The following VPS13D variants were observed in gnomAD, a reference collection of about 807,000 sequenced individuals.
The protein encoded by VPS13D is intermembrane lipid transfer protein VPS13D.
Under a neutral mutation model 461.9 loss-of-function variants are expected in VPS13D, and 187 were observed. The ratio of observed to expected loss-of-function variants is 0.40; its 90% CI spans 0.36 to 0.46. The LOEUF (loss-of-function observed/expected upper bound fraction) is 0.46, where lower values mean the gene tolerates loss of function less well. Ranked by LOEUF, VPS13D falls within the 20% of genes least tolerant of loss-of-function variation. VPS13D has a pLI of 0.60. For missense variants in VPS13D, 4,711 were observed against 5,364.9 expected (o/e 0.88, Z 3.81); for synonymous variants, 1,951 against 1,986.3 (o/e 0.98, Z 0.47).
chr1:12,378,011 A>G (rs1644224224), intron 55 of VPS13D, among the ~76,000 whole-genome samples: 1 of 152,138 alleles, frequency 6.6e-6, no homozygotes, highest in Admixed American at 6.5e-5. Context: ...GATATTGAGC[A>G]TATCGTATAG....
intron 65 of VPS13D, among the ~76,000 whole-genome samples, chr1:12,453,410 G>A (rs1645287927): frequency 6.6e-6 from 1 of 152,076 alleles, no homozygotes. Context: ...AGAGAAACAG[G>A]AAAGACCTGA....
chr1:12,322,711 G>T lies in VPS13D; in HGVS notation c.7880G>T (p.Arg2627Ile). 2 of 1,614,186 alleles carry T rather than the reference G, an allele frequency of 1.2e-6. No individual in the cohort carries two copies. Among genetic ancestry groups the T allele is most frequent in the South Asian group, 2.2e-5 (2 of 91,072 alleles). ...GCATCTCGCGTTGGAGAGGAAATCA[G>T]AGAAGGGACAAGACACACCTTAGAT... ...PGASRVGEEI[R>I]EGTRHTLDPV... Residue 2627 changes from arginine to isoleucine, a missense_variant, in exon 34 of 70, where the codon AGA becomes ATA. Physicochemically the swap from Arg to Ile is moderately conservative, Grantham distance 97. This residue lies in a region of VPS13D where 4,411 missense variants were observed against 4,937.8 expected (regional missense o/e 0.89). Coordinates refer to ENST00000620676, the MANE Select transcript of VPS13D (RefSeq NM_015378.4).
intron 46 of VPS13D, among the ~76,000 whole-genome samples, chr1:12,351,299 G>GT (rs953418247): frequency 5.9e-5 from 9 of 151,672 alleles, no homozygotes; most frequent in Non-Finnish European, 8.8e-5. Context: ...ATTTTTTCTT[G>GT]TTTTTTTTGA....
intron 2 of VPS13D, among the ~76,000 whole-genome samples, chr1:12,237,576 C>A (rs144477935): frequency 2.8e-4 from 40 of 142,138 alleles, no homozygotes; most frequent in African/African-American, 9.2e-4. Flanking sequence ...CCTAGCACTT[C>A]GGGAGGCCAA....
At chr1:12,439,683 C>T (rs1228449287) in intron 65 of VPS13D, among the ~76,000 whole-genome samples, 1 of 152,148 alleles carries the variant, frequency 6.6e-6, no homozygotes, top group Non-Finnish European at 1.5e-5. Context: ...TGCTACATCC[C>T]CAGCCCTTAG....
rs1645855098 is a variant in VPS13D at position 12,490,036 on chromosome 1, A to G, written c.12663-7464A>G. On this transcript the variant is annotated intron_variant, in intron 67 of 69. Coordinates refer to ENST00000620676, the MANE Select transcript of VPS13D (RefSeq NM_015378.4). ...TGTGTTCTTGTTGCCATTTCTGTTC[A>G]TCTCCTCCACTGAATTGCTGTAAGC... Among the ~76,000 whole-genome samples the G allele has an allele frequency of 2.0e-5, 3 of 152,102 alleles. No homozygotes were observed. The South Asian group carries it at 6.2e-4, about 31-fold the overall frequency.
chr1:12,351,318 T>A (rs1643788160), intron 46 of VPS13D, among the ~76,000 whole-genome samples: 1 of 152,150 alleles, frequency 6.6e-6, no homozygotes, highest in Non-Finnish European at 1.5e-5. Context: ...GAGGTGGAGT[T>A]TTGCTCTTGT....
intron 67 of VPS13D, 51 bp from the exon 68 acceptor site, chr1:12,497,449 T>C (rs367598027): frequency 1.9e-6 from 3 of 1,562,760 alleles, no homozygotes; most frequent in Non-Finnish European, 2.6e-6. Flanking sequence ...AGGAAAATCA[T>C]TTTAACCTGC....
At chr1:12,432,629 A>G (rs1056162390) in intron 65 of VPS13D, among the ~76,000 whole-genome samples, 1 of 147,146 alleles carries the variant, frequency 6.8e-6, no homozygotes, top group Non-Finnish European at 1.5e-5. Flanking sequence ...TTTTTTTAAG[A>G]CAGTCTCACT....
intron 36 of VPS13D, among the ~76,000 whole-genome samples, 200 bp from the exon 37 acceptor site, chr1:12,329,629 A>G (rs1643279684): frequency 6.6e-6 from 1 of 152,214 alleles, no homozygotes; most frequent in Non-Finnish European, 1.5e-5. Context: ...GTGCCAGAAA[A>G]CTCAGTCATG....
In VPS13D at chr1:12,383,114, T is replaced by C. The variant is rs1170267676; in HGVS notation, c.11329T>C (p.Ser3777Pro). 2 of 1,614,036 alleles carry C rather than the reference T, an allele frequency of 1.2e-6. No homozygotes were observed. The highest frequency in any genetic ancestry group is 1.3e-5 in the African/African-American group (1 of 74,934). ...QKMRPGSGML[S>P]IRVIPDGPTR... ...AATGAGACCTGGTTCTGGAATGTTA[T>C]CCATCAGAGTCATCCCAGATGGACC... The change falls in exon 58 of 70, where the codon TCC (serine) becomes CCC (proline). Residue 3777 changes from serine to proline, a missense_variant. Ser to Pro is a moderately conservative substitution (Grantham distance 74). Around this residue, in one of 3 missense-constraint regions of VPS13D, gnomAD observed 4,411 missense variants for 4,937.8 expected, o/e 0.89. Coordinates refer to ENST00000620676, the MANE Select transcript of VPS13D (RefSeq NM_015378.4).
intron 25 of VPS13D, among the ~76,000 whole-genome samples, chr1:12,302,229 C>T: frequency 6.6e-6 from 1 of 152,172 alleles, no homozygotes; most frequent in East Asian, 1.9e-4. Flanking sequence ...ACTGAAATGG[C>T]ATTATGCGGT....
At chr1:12,422,001 G>A (rs1644870710) in intron 65 of VPS13D, among the ~76,000 whole-genome samples, 1 of 152,094 alleles carries the variant, frequency 6.6e-6, no homozygotes, top group African/African-American at 2.4e-5. Context: ...CGACTAATTT[G>A]TATTTTTAGT....
At chr1:12,342,763 C>A in intron 41 of VPS13D, 136 bp from the exon 42 acceptor site, 2 of 1,004,144 alleles carry the variant, frequency 2.0e-6, no homozygotes, top group Non-Finnish European at 2.8e-6. Flanking sequence ...CAAGGTCATT[C>A]TTTGTAGCTA....
At position 12,505,777 on chromosome 1, in the gene VPS13D, G is replaced by A. The variant is rs750960796; in HGVS notation, c.12795-1076G>A. ...AGAAGTTAGAACCTGTGATCCTTGCGGGGAGGGGGATGGGATCTAGAGAAG... is the reference window on the plus strand; with the variant it reads ...AGAAGTTAGAACCTGTGATCCTTGCAGGGAGGGGGATGGGATCTAGAGAAG... On this transcript the variant is annotated intron_variant, in intron 68 of 69. Transcript: ENST00000620676. This position sits in a 1 kb window ranked among gnomAD's most constrained non-coding sequence, Gnocchi z 4.2. 2.0e-5 allele frequency among the ~76,000 whole-genome samples: 3 copies of A among 152,220 alleles called. No homozygotes were observed. The highest frequency in any genetic ancestry group is 4.8e-5 in the African/African-American group (2 of 41,460).
chr1:12,268,631 A>G (rs1269928786), intron 15 of VPS13D, 75 bp from the exon 16 acceptor site: 1 of 1,461,548 alleles, frequency 6.8e-7, no homozygotes, highest in Non-Finnish European at 9.2e-7. Flanking sequence ...GTTTTTCCAG[A>G]ATCCCTCACA....
At chr1:12,391,852 T>G (rs755794913) in intron 60 of VPS13D, among the ~76,000 whole-genome samples, 2 of 152,048 alleles carry the variant, frequency 1.3e-5, no homozygotes, top group Non-Finnish European at 2.9e-5. Flanking sequence ...AAAAGATGTT[T>G]TGTGTTTTTT....
At chr1:12,433,728 A>G (rs1206370091) in intron 65 of VPS13D, among the ~76,000 whole-genome samples, 1 of 152,126 alleles carries the variant, frequency 6.6e-6, no homozygotes, top group Non-Finnish European at 1.5e-5. Context: ...GGAGGAAGAT[A>G]CCAAACTCAT....
At chr1:12,287,887 G>GT (rs1027967720) in intron 21 of VPS13D, among the ~76,000 whole-genome samples, 1 of 152,156 alleles carries the variant, frequency 6.6e-6, no homozygotes, top group Non-Finnish European at 1.5e-5. Flanking sequence ...TAATGGATCT[G>GT]TTTGAGTTAC....
Sources: allele counts gnomAD v4.1 joint callset (sites outside exome capture counted in the v4.1 genomes callset), GRCh38; gene constraint gnomAD v4.1.1; regional missense constraint gnomAD v4.1.1; non-coding constraint Gnocchi (gnomAD v3.1); transcripts MANE v1.5; gene names NCBI Gene and HGNC (gene_info 2026-07-23, HGNC 2026-07-21).